Variants in RBM34 observed in about 807,000 individuals in gnomAD.
RBM34 encodes the protein RNA binding motif protein 34.
RBM34 carries 39 observed loss-of-function variants against 44.6 expected under a neutral mutation model. The ratio of observed to expected loss-of-function variants is 0.87; its 90% CI spans 0.68 to 1.14. The LOEUF (loss-of-function observed/expected upper bound fraction) is 1.14, where lower values mean the gene tolerates loss of function less well. RBM34 is among the 50% of genes most tolerant of loss of function. The pLI, the probability that RBM34 is intolerant of heterozygous loss-of-function variation, is 0.00. For synonymous variants in RBM34, 194 were observed against 184.0 expected (o/e 1.05, Z -0.44); for missense variants, 572 against 517.9 (o/e 1.10, Z -1.01).
chr1:235,148,463 A>G lies in RBM34; in HGVS notation c.658-16T>C. The G allele has an allele frequency of 6.4e-7, 1 of 1,572,682 alleles. No homozygotes were observed. The highest frequency in any genetic ancestry group is 8.6e-7 in the Non-Finnish European group (1 of 1,161,228). Reference sequence around the variant, plus strand: ...CTGCTGGAATCTTTCAAGAGAAAAAAAAAAGTATTAAAGACAGTATTTGAA... The same window carrying G: ...CTGCTGGAATCTTTCAAGAGAAAAAGAAAAGTATTAAAGACAGTATTTGAA... On this transcript the variant is annotated splice_polypyrimidine_tract_variant and intron_variant, in intron 5 of 10. Coordinates refer to ENST00000408888, the MANE Select transcript of RBM34 (RefSeq NM_015014.4).
chr1:235,138,244 A>G, intron 6 of RBM34, 70 bp from the exon 7 acceptor site: 2 of 1,311,210 alleles, frequency 1.5e-6, no homozygotes, highest in South Asian at 1.4e-5. Context: ...CAAAGTCACT[A>G]GAAAAAAATC....
chr1:235,141,171 G>C (rs1661668330), intron 6 of RBM34, among the ~76,000 whole-genome samples: 1 of 151,688 alleles, frequency 6.6e-6, no homozygotes, highest in Admixed American at 6.6e-5. Context: ...GTTTGTGAGT[G>C]CACCAATCGA....
Position 235,155,822 on chromosome 1 carries a change from C to CATAT in RBM34, c.366-714_366-711dup, listed in dbSNP as rs1172462826. ...GTCCAGTCTTTTATACATACATATA[C>CATAT]ATATATATATATATATATATATATA... On this transcript the variant is annotated intron_variant, in intron 3 of 10. Coordinates refer to ENST00000408888, the MANE Select transcript of RBM34 (RefSeq NM_015014.4). Among the ~76,000 whole-genome samples, 408 of 63,882 alleles carry CATAT rather than the reference C, an allele frequency of 6.4e-3. 14 individuals carry two copies. Among genetic ancestry groups the CATAT allele is most frequent in the Middle Eastern group, 0.01 (1 of 96 alleles). The allele number at this position is 63,882 out of a possible 152,430, so 41.9% of individuals were successfully genotyped here. A position where few individuals can be genotyped will look rare whatever the true frequency, so the allele number is the denominator to read the frequency against.
chr1:235,140,930 C>T (rs1049889130), intron 6 of RBM34, among the ~76,000 whole-genome samples: 3 of 152,032 alleles, frequency 2.0e-5, no homozygotes, highest in Non-Finnish European at 2.9e-5. Context: ...ATTGTAAATA[C>T]ACCAATCAGC....
At chr1:235,156,831 A>C in intron 3 of RBM34, 1 of 307,480 alleles carries the variant, frequency 3.3e-6, no homozygotes. Flanking sequence ...CCAACAGTGC[A>C]GTGAAGAGAC....
At chr1:235,142,649 C>T (rs777711408) in intron 6 of RBM34, among the ~76,000 whole-genome samples, 9 of 151,796 alleles carry the variant, frequency 5.9e-5, no homozygotes, top group Non-Finnish European at 8.8e-5. Flanking sequence ...CACCTCTGGG[C>T]GTGTGTGGTG....
intron 3 of RBM34, among the ~76,000 whole-genome samples, chr1:235,158,048 G>T (rs906566196): frequency 2.1e-5 from 3 of 143,952 alleles, no homozygotes; most frequent in African/African-American, 5.1e-5. Context: ...AATTACATGG[G>T]TTTTTTTTTT....
At chr1:235,145,692 G>A (rs893270203) in intron 6 of RBM34, among the ~76,000 whole-genome samples, 4 of 152,188 alleles carry the variant, frequency 2.6e-5, no homozygotes, top group African/African-American at 7.2e-5. Flanking sequence ...ATACCCTTCT[G>A]ACTGAGCAAT....
At position 235,161,178 on chromosome 1, in the gene RBM34, C is replaced by G. The variant is rs745306306; in HGVS notation, c.49G>C (p.Glu17Gln). ...CTCGTGCCGCGCGCCACTCACCCCT[C>G]CTGGACACTTCTCTTTCTCTTCCGT... ...SKRKRKRSVQ[E>Q]GENPDDGVRG... The change falls in exon 1 of 11, where the codon GAG becomes CAG. Residue 17 changes from glutamate to glutamine, a missense_variant. Transcript: ENST00000408888. 10 of 1,607,128 alleles carry G rather than the reference C, an allele frequency of 6.2e-6. No individual in the cohort carries two copies. Among genetic ancestry groups the G allele is most frequent in the Admixed American group, 3.4e-5 (2 of 59,456 alleles).
chr1:235,135,306 GC>G (rs1661377766), intron 10 of RBM34, among the ~76,000 whole-genome samples: 1 of 151,308 alleles, frequency 6.6e-6, no homozygotes, highest in South Asian at 2.1e-4. Context: ...TCGGCTCACT[GC>G]AACCTCCACC....
At chr1:235,133,327 T>A (rs536069236) in intron 10 of RBM34, among the ~76,000 whole-genome samples, 1 of 152,058 alleles carries the variant, frequency 6.6e-6, no homozygotes, top group Non-Finnish European at 1.5e-5. Flanking sequence ...AGCAACAGAG[T>A]GAGACTCTGT....
At chr1:235,136,325 T>C (rs1328194822) in intron 8 of RBM34, among the ~76,000 whole-genome samples, 2 of 152,202 alleles carry the variant, frequency 1.3e-5, no homozygotes, top group Admixed American at 1.3e-4. Flanking sequence ...CGGACTGCTA[T>C]ATTGGGAGCA....
Position 235,154,924 on chromosome 1 carries a change from C to T in RBM34, c.554G>A (p.Arg185Lys). 2 of 1,614,020 alleles carry T rather than the reference C, an allele frequency of 1.2e-6. No individual in the cohort carries two copies. Among genetic ancestry groups the T allele is most frequent in the Non-Finnish European group, 8.5e-7 (1 of 1,179,978 alleles). Residue 185 changes from arginine (R) to lysine (K), a missense_variant, in exon 4 of 11, where the codon AGA (arginine) becomes AAA (lysine). Physicochemically the swap from Arg to Lys is conservative, Grantham distance 26. Coordinates refer to ENST00000408888, the MANE Select transcript of RBM34 (RefSeq NM_015014.4). ...NQEEERLKNE[R>K]TVFVGNLPVT... ...AGGCAAATTCCCAACAAACACAGTT[C>T]TCTCATTCTTTAATCTCTCTTCTTC...
intron 8 of RBM34, among the ~76,000 whole-genome samples, chr1:235,136,841 A>G (rs1346935841): frequency 6.6e-6 from 1 of 152,176 alleles, no homozygotes; most frequent in African/African-American, 2.4e-5. Flanking sequence ...CAACTCTTAC[A>G]TACCTCACCC....
In RBM34 at chr1:235,146,235, T is replaced by G. The variant is rs1437115952; in HGVS notation, c.701+2169A>C. ...TGCTGAGATTACAGGCGTGAGCCACTGCACCCGGCCTTCAGCATTATTTGT... is the reference window on the plus strand; with the variant it reads ...TGCTGAGATTACAGGCGTGAGCCACGGCACCCGGCCTTCAGCATTATTTGT... On this transcript the variant is annotated intron_variant, in intron 6 of 10. Transcript: ENST00000408888. Among the ~76,000 whole-genome samples the G allele has an allele frequency of 2.6e-5, 4 of 152,198 alleles. No individual in the cohort carries two copies. The East Asian group carries it at 7.7e-4, about 29-fold the overall frequency.
At chr1:235,152,034 CA>C (rs11350971) in intron 5 of RBM34, among the ~76,000 whole-genome samples, 104,899 of 148,230 alleles carry the variant, frequency 0.71, 37,516 homozygotes, top group African/African-American at 0.83. Flanking sequence ...GACTCTGTCT[CA>C]AAAAAAAAAA....
intron 6 of RBM34, among the ~76,000 whole-genome samples, chr1:235,141,746 C>CA (rs1661692219): frequency 6.6e-6 from 1 of 152,174 alleles, no homozygotes; most frequent in Admixed American, 6.5e-5. Context: ...GAGGAACGAA[C>CA]AACTCCAGAC....
At chr1:235,144,803 G>A (rs1334721661) in intron 6 of RBM34, among the ~76,000 whole-genome samples, 2 of 152,176 alleles carry the variant, frequency 1.3e-5, no homozygotes, top group Non-Finnish European at 2.9e-5. Flanking sequence ...AGCACTTTGG[G>A]AGGCCGAGGG....
chr1:235,158,260 T>C (rs1662535634), intron 3 of RBM34, among the ~76,000 whole-genome samples: 1 of 151,170 alleles, frequency 6.6e-6, no homozygotes, highest in Non-Finnish European at 1.5e-5. Context: ...ACCAAAAAAA[T>C]ACAAAAATTA....
Sources: gnomAD v4.1 joint callset for allele counts (sites outside exome capture counted in the v4.1 genomes callset) on GRCh38, gnomAD v4.1.1 for gene constraint, MANE v1.5 for transcripts, NCBI Gene and HGNC (gene_info 2026-07-23, HGNC 2026-07-21) for gene names.